Variants in HAPLN3 observed in about 807,000 individuals in gnomAD.
HAPLN3 encodes extracellular link domain containing, 1.
A neutral mutation model predicts 28.1 loss-of-function variants in HAPLN3; 28 were observed. The ratio of observed to expected loss-of-function variants is 1.00; its 90% CI spans 0.74 to 1.37. The LOEUF is 1.37. Ranked by LOEUF, HAPLN3 falls within the 40% of genes most tolerant of loss-of-function variation. The pLI is 0.00. For missense variants in HAPLN3, 513 were observed against 504.6 expected (o/e 1.02, Z -0.16); for synonymous variants, 211 against 213.1 (o/e 0.99, Z 0.09).
rs1694305682 is a variant in HAPLN3, at chr15:88,881,811, T to C, written c.125-86A>G. On this transcript the variant is annotated intron_variant, in intron 2 of 4. Coordinates refer to ENST00000359595, the MANE Select transcript of HAPLN3 (RefSeq NM_178232.4). This position sits in a 1 kb window ranked among gnomAD's most constrained non-coding sequence, Gnocchi z 6.0. ...GCCACCGCACACCCTCATCCACGGC[T>C]CCTACAGGCTCAGATTGCAAAAATG... 2.1e-6 allele frequency: 3 copies of C among 1,456,042 alleles called. No homozygotes were observed. Among genetic ancestry groups the C allele is most frequent in the Non-Finnish European group, 1.8e-6 (2 of 1,086,804 alleles). 90.2% of individuals were successfully genotyped at this position (1,456,042 alleles called of 1,614,324 possible).
intron 2 of HAPLN3, among the ~76,000 whole-genome samples, chr15:88,884,288 G>GGT (rs1897786277): frequency 6.6e-6 from 1 of 152,080 alleles, no homozygotes; most frequent in African/African-American, 2.4e-5. Flanking sequence ...TTGTAGGCCG[G>GGT]GCACGGTGGC....
At position 88,877,934 on chromosome 15, in the gene HAPLN3, C is replaced by G; in HGVS notation, c.*36G>C. The G allele has an allele frequency of 6.5e-7, 1 of 1,548,864 alleles. No homozygotes were observed. Among genetic ancestry groups the G allele is most frequent in the Non-Finnish European group, 8.7e-7 (1 of 1,146,682 alleles). On this transcript the variant is annotated 3_prime_UTR_variant, in exon 5 of 5. Coordinates refer to ENST00000359595, the MANE Select transcript of HAPLN3 (RefSeq NM_178232.4). This position sits in a 1 kb window ranked among gnomAD's most constrained non-coding sequence, Gnocchi z 5.1. ...AACGAACCACTCAATAAATACACAG[C>G]CAGTGAGGGAATGCGGCAGGGGAGG...
rs77477220 is a variant in HAPLN3, at chr15:88,878,354, C to T, written c.797-98G>A. ...GCCAGCCCCAAAGACCCGTCTGAGC[C>T]CAGGGAGCTACCATACTGCAGGCAT... On this transcript the variant is annotated intron_variant, in intron 4 of 4. Coordinates refer to ENST00000359595, the MANE Select transcript of HAPLN3 (RefSeq NM_178232.4). 7.7e-3 allele frequency: 8,860 copies of T among 1,145,308 alleles called. 437 individuals are homozygous for T. The African/African-American group carries it at 0.12, about 15-fold the overall frequency. The allele number at this position is 1,145,308 out of a possible 1,614,324, so 70.9% of individuals were successfully genotyped here.
intron 2 of HAPLN3, among the ~76,000 whole-genome samples, chr15:88,886,125 G>A (rs1249818209): frequency 6.6e-6 from 1 of 151,814 alleles, no homozygotes; most frequent in Non-Finnish European, 1.5e-5. Flanking sequence ...TGAGGCGGGT[G>A]GATCACCTGA....
intron 2 of HAPLN3, among the ~76,000 whole-genome samples, chr15:88,884,894 C>A (rs760918488): frequency 4.6e-5 from 7 of 152,176 alleles, no homozygotes; most frequent in Non-Finnish European, 7.3e-5. Flanking sequence ...GCCACCAGAA[C>A]CGGAAGAGGC....
Position 88,881,625 on chromosome 15 carries a change from C to T in HAPLN3, c.225G>A (p.Glu75=). Residue 75 remains glutamate (E), a synonymous_variant, in exon 3 of 5, where the codon GAG becomes GAA. Transcript: ENST00000359595. The surrounding 1 kb of genome is among the most constrained non-coding windows in gnomAD (Gnocchi z 6.0). ...SVILPCRYRY[E]PALVSPRRVR... ...CACGCCGCGGGGAGACCAGGGCCGG[C>T]TCGTAGCGGTAGCGGCAGGGCAGGA... The T allele has an allele frequency of 4.3e-6, 7 of 1,614,010 alleles. No individual in the cohort carries two copies. The highest frequency in any genetic ancestry group is 5.9e-6 in the Non-Finnish European group (7 of 1,180,030).
chr15:88,885,337 G>A (rs1897820744), intron 2 of HAPLN3, among the ~76,000 whole-genome samples: 2 of 151,994 alleles, frequency 1.3e-5, no homozygotes, highest in South Asian at 4.2e-4. Context: ...GTGCAGTGGT[G>A]TGATCTCAGC....
At chr15:88,885,255 T>A (rs1467723320) in intron 2 of HAPLN3, among the ~76,000 whole-genome samples, 1 of 152,138 alleles carries the variant, frequency 6.6e-6, no homozygotes, top group Non-Finnish European at 1.5e-5. Context: ...GTTCGTTCCT[T>A]CCACAAACAA....
chr15:88,880,521 A>T lies in HAPLN3; in HGVS notation c.493+836T>A. The T allele has an allele frequency of 7.8e-7, 1 of 1,280,850 alleles. No homozygotes were observed. The highest frequency in any genetic ancestry group is 1.0e-6 in the Non-Finnish European group (1 of 981,502). 79.3% of individuals were successfully genotyped at this position (1,280,850 alleles called of 1,614,324 possible). ...CATTTACCCACATGTCATAGCTGGG[A>T]CGGGCTGGGGCTAAAGTCAGGTCAC... On this transcript the variant is annotated intron_variant, in intron 3 of 4. Coordinates refer to ENST00000359595, the MANE Select transcript of HAPLN3 (RefSeq NM_178232.4). The surrounding 1 kb of genome is among the most constrained non-coding windows in gnomAD (Gnocchi z 6.0).
At chr15:88,884,040 C>A (rs990059792) in intron 2 of HAPLN3, among the ~76,000 whole-genome samples, 1 of 151,136 alleles carries the variant, frequency 6.6e-6, no homozygotes, top group Non-Finnish European at 1.5e-5. Flanking sequence ...GATCACACCA[C>A]TGCACTGGTG....
At chr15:88,894,189 A>G (rs568585397) in intron 1 of HAPLN3, among the ~76,000 whole-genome samples, 1 of 152,162 alleles carries the variant, frequency 6.6e-6, no homozygotes, top group African/African-American at 2.4e-5. Flanking sequence ...CCTCCTCTTC[A>G]CAGTTGAGGA....
chr15:88,891,178 C>A (rs1304069991), intron 1 of HAPLN3, among the ~76,000 whole-genome samples: 1 of 151,822 alleles, frequency 6.6e-6, no homozygotes, highest in African/African-American at 2.4e-5. Context: ...CTGCACCCGG[C>A]CTGCATCTCT....
chr15:88,890,032 A>C (rs1897971010), intron 1 of HAPLN3, among the ~76,000 whole-genome samples: 2 of 108,756 alleles, frequency 1.8e-5, no homozygotes, highest in Admixed American at 1.0e-4. Flanking sequence ...GGAGGAAGGA[A>C]GGAAAGGAAG....
At position 88,880,259 on chromosome 15, in the gene HAPLN3, CCCAGA is replaced by C; in HGVS notation, c.494-995_494-991del. 2 of 1,040,596 alleles carry C rather than the reference CCCAGA, an allele frequency of 1.9e-6. No individual in the cohort carries two copies. Among genetic ancestry groups the C allele is most frequent in the Middle Eastern group, 4.7e-4 (1 of 2,126 alleles). The allele number at this position is 1,040,596 out of a possible 1,614,324, so 64.5% of individuals were successfully genotyped here. A position where few individuals can be genotyped will look rare whatever the true frequency, so the allele number is the denominator to read the frequency against. On this transcript the variant is annotated intron_variant, in intron 3 of 4. Transcript: ENST00000359595. This position sits in a 1 kb window ranked among gnomAD's most constrained non-coding sequence, Gnocchi z 6.0. ...GTTTCTCTAGGCTGCCCCTGCAGAC[CCCAGA>C]CCAATGACTCTTGCAGGTTCTCCCC...
chr15:88,884,539 A>G (rs967341886), intron 2 of HAPLN3, among the ~76,000 whole-genome samples: 2 of 152,116 alleles, frequency 1.3e-5, no homozygotes, highest in African/African-American at 2.4e-5. Context: ...ACTCCAGCCC[A>G]GGTGACAGAG....
rs1304004878 is a variant in HAPLN3, at chr15:88,880,604, C to A, written c.493+753G>T. The stretch of plus-strand genomic sequence containing the variant: ...GTGGGAGAGATGTGAGGACACACAG[C>A]CCCATCCTAGAGACAGAGAAGGTAA... On this transcript the variant is annotated intron_variant, in intron 3 of 4. Transcript: ENST00000359595. The surrounding 1 kb of genome is among the most constrained non-coding windows in gnomAD (Gnocchi z 6.0). 3.9e-5 allele frequency: 50 copies of A among 1,288,380 alleles called. 2 individuals are homozygous for A. The highest frequency in any genetic ancestry group is 2.1e-4 in the Middle Eastern group (1 of 4,710). 79.8% of individuals were successfully genotyped at this position (1,288,380 alleles called of 1,614,324 possible).
Position 88,886,418 on chromosome 15 carries a change from G to A in HAPLN3, c.124+757C>T, listed in dbSNP as rs540590948. Among the ~76,000 whole-genome samples, 19 of 151,442 alleles carry A rather than the reference G, an allele frequency of 1.3e-4. No homozygotes were observed. The East Asian group carries it at 1.8e-3, about 14-fold the overall frequency. On this transcript the variant is annotated intron_variant, in intron 2 of 4. Coordinates refer to ENST00000359595, the MANE Select transcript of HAPLN3 (RefSeq NM_178232.4). The stretch of plus-strand genomic sequence containing the variant: ...CAGGGCTTTTGTGATTACAGGAGAC[G>A]ACATATGCAAAATATCTAGAAGCGC...
chr15:88,895,247 C>T lies in HAPLN3; in HGVS notation c.-48+212G>A, dbSNP rs12148326. On this transcript the variant is annotated intron_variant, in intron 1 of 4. Coordinates refer to ENST00000359595, the MANE Select transcript of HAPLN3 (RefSeq NM_178232.4). The surrounding 1 kb of genome is among the most constrained non-coding windows in gnomAD (Gnocchi z 5.5). ...CGAGGGTCCGGCGCCCGCATCCCCGCGCCGCTCCCTCCCCACTTGTGCCCC... is the reference window on the plus strand; with the variant it reads ...CGAGGGTCCGGCGCCCGCATCCCCGTGCCGCTCCCTCCCCACTTGTGCCCC... 0.13 allele frequency among the ~76,000 whole-genome samples: 19,672 copies of T among 152,186 alleles called. 1,613 individuals are homozygous for T. Among genetic ancestry groups the T allele is most frequent in the Non-Finnish European group, 0.18 (12,147 of 67,978 alleles).
Position 88,885,458 on chromosome 15 carries a change from GTTTTTT to G in HAPLN3, c.124+1711_124+1716del, listed in dbSNP as rs761060139. On this transcript the variant is annotated intron_variant, in intron 2 of 4. Coordinates refer to ENST00000359595, the MANE Select transcript of HAPLN3 (RefSeq NM_178232.4). ...ACCCGGCTAATTTTTTGTTTTTTGT[GTTTTTT>G]TTTTTTTTTTTGAGACGGAGTCTCA... is the stretch of plus-strand genomic sequence containing the variant. 4.3e-3 allele frequency among the ~76,000 whole-genome samples: 496 copies of G among 114,926 alleles called. 22 individuals are homozygous for G. In the South Asian group the frequency reaches 0.11, roughly 26 times the overall value. 75.4% of individuals were successfully genotyped at this position (114,926 alleles called of 152,430 possible).
Sources: allele counts gnomAD v4.1 joint callset (sites outside exome capture counted in the v4.1 genomes callset), GRCh38; gene constraint gnomAD v4.1.1; non-coding constraint Gnocchi (gnomAD v3.1); transcripts MANE v1.5; gene names NCBI Gene and HGNC (gene_info 2026-07-23, HGNC 2026-07-21).